ARMH3: variants seen among roughly 807,000 people sequenced by gnomAD.
ARMH3 encodes the protein armadillo like helical domain containing 3.
ARMH3 carries 60 observed loss-of-function variants against 99.1 expected under a neutral mutation model. The observed-to-expected ratio is 0.61, with a 90% CI of 0.49 to 0.75. The LOEUF (loss-of-function observed/expected upper bound fraction) is 0.75, where lower values mean the gene tolerates loss of function less well. Among genes scored for constraint, ARMH3 ranks in the 30% least tolerant of loss-of-function variants. ARMH3 has a pLI of 0.00. For missense variants in ARMH3, 679 were observed against 843.1 expected (o/e 0.81, Z 2.41); for synonymous variants, 285 against 292.8 (o/e 0.97, Z 0.27).
chr10:101,889,262 T>G, intron 24 of ARMH3, 150 bp downstream of exon 24: 1 of 778,616 alleles, frequency 1.3e-6, no homozygotes, highest in Non-Finnish European at 2.3e-6. Flanking sequence ...TTAAAAGTAC[T>G]ATCAACCAAC....
chr10:101,847,386 T>G lies in ARMH3; in HGVS notation c.*142A>C. 2.5e-6 allele frequency: 2 copies of G among 790,482 alleles called. No individual in the cohort carries two copies. Among genetic ancestry groups the G allele is most frequent in the South Asian group, 3.2e-5 (2 of 61,866 alleles). 49.0% of individuals were successfully genotyped at this position (790,482 alleles called of 1,614,324 possible). On this transcript the variant is annotated 3_prime_UTR_variant, in exon 26 of 26. Coordinates refer to ENST00000370033, the MANE Select transcript of ARMH3 (RefSeq NM_024541.3). ...TCCTGCCCCTGCTGCCCAAGCTCCATTGAAGTGCGGTCTTCACCAAGAGAA... is the reference window on the plus strand; with the variant it reads ...TCCTGCCCCTGCTGCCCAAGCTCCAGTGAAGTGCGGTCTTCACCAAGAGAA...
chr10:102,014,697 C>G (rs1416219116), intron 8 of ARMH3, among the ~76,000 whole-genome samples: 2 of 152,122 alleles, frequency 1.3e-5, no homozygotes, highest in African/African-American at 4.8e-5. Flanking sequence ...TAATGATTGT[C>G]CCATCACTTA....
chr10:101,905,440 C>CA lies in ARMH3; in HGVS notation c.1782-15951dup, dbSNP rs1183428601. Among the ~76,000 whole-genome samples the CA allele has an allele frequency of 3.3e-5, 5 of 152,250 alleles. No homozygotes were observed. The South Asian group carries it at 8.3e-4, about 25-fold the overall frequency. ...ATAAATGCTACAAGAGAGAAATGTA[C>CA]AAAACCCTTTGGCAATGCAGGTGTG... is the stretch of plus-strand genomic sequence containing the variant. On this transcript the variant is annotated intron_variant, in intron 23 of 25. Coordinates refer to ENST00000370033, the MANE Select transcript of ARMH3 (RefSeq NM_024541.3).
At position 102,027,148 on chromosome 10, in the gene ARMH3, G is replaced by C. The variant is rs75278826; in HGVS notation, c.415-1900C>G. 1.8e-4 allele frequency among the ~76,000 whole-genome samples: 28 copies of C among 152,034 alleles called. No individual in the cohort carries two copies. The East Asian group carries it at 2.7e-3, about 15-fold the overall frequency. On this transcript the variant is annotated intron_variant, in intron 5 of 25. Coordinates refer to ENST00000370033, the MANE Select transcript of ARMH3 (RefSeq NM_024541.3). ...ACAAAAATTAGCTGAGTGTGGTGGC[G>C]CATGCCTGTAATCCCAGCTACTCAG...
intron 6 of ARMH3, among the ~76,000 whole-genome samples, chr10:102,024,519 C>T (rs1479783665): frequency 2.6e-5 from 4 of 151,968 alleles, no homozygotes; most frequent in Non-Finnish European, 5.9e-5. Context: ...GTGGCTCACA[C>T]CTGTAATCCC....
chr10:102,010,058 A>T, intron 11 of ARMH3, 35 bp from the exon 12 acceptor site: 1 of 1,601,282 alleles, frequency 6.2e-7, no homozygotes, highest in Non-Finnish European at 8.6e-7. Context: ...AACTTATAGC[A>T]GGAGGATATG....
intron 23 of ARMH3, among the ~76,000 whole-genome samples, chr10:101,892,760 T>C (rs1320804676): frequency 1.3e-5 from 2 of 152,168 alleles, no homozygotes; most frequent in Non-Finnish European, 2.9e-5. Flanking sequence ...ACATTTATAG[T>C]ACATATAATA....
chr10:102,016,853 C>T (rs1430191637), intron 8 of ARMH3, among the ~76,000 whole-genome samples: 1 of 152,192 alleles, frequency 6.6e-6, no homozygotes, highest in Middle Eastern at 3.2e-3. Flanking sequence ...GTACACTTAA[C>T]GTTTTCCATT....
chr10:102,003,402 T>C (rs1040981410), intron 14 of ARMH3, among the ~76,000 whole-genome samples: 2 of 152,132 alleles, frequency 1.3e-5, no homozygotes, highest in East Asian at 1.9e-4. Context: ...CCTCAAGCAA[T>C]CCACCCACCT....
chr10:102,051,175 G>T (rs906134731), intron 1 of ARMH3, among the ~76,000 whole-genome samples: 2 of 142,216 alleles, frequency 1.4e-5, no homozygotes, highest in Non-Finnish European at 1.5e-5. Context: ...AAAAAAAAAA[G>T]AAAGAAAGAA....
intron 23 of ARMH3, among the ~76,000 whole-genome samples, chr10:101,937,502 G>C (rs896780443): frequency 4.7e-5 from 7 of 148,878 alleles, no homozygotes; most frequent in South Asian, 2.1e-4. Context: ...CTGGGCGACA[G>C]AGTCAGACCC....
chr10:101,938,870 A>T (rs1347535940), intron 23 of ARMH3, among the ~76,000 whole-genome samples: 1 of 152,104 alleles, frequency 6.6e-6, no homozygotes, highest in Non-Finnish European at 1.5e-5. Context: ...AGCACATCTC[A>T]CCCCATGCTC....
At chr10:101,953,452 G>A (rs1844889280) in intron 22 of ARMH3, among the ~76,000 whole-genome samples, 1 of 151,674 alleles carries the variant, frequency 6.6e-6, no homozygotes, top group Admixed American at 6.6e-5. Context: ...GTAGAGACAG[G>A]GTTTCACCAT....
intron 23 of ARMH3, among the ~76,000 whole-genome samples, chr10:101,909,435 C>G (rs1396823860): frequency 6.8e-6 from 1 of 147,444 alleles, no homozygotes; most frequent in Non-Finnish European, 1.5e-5. Flanking sequence ...AAAAAAGAGA[C>G]CAGAGGAAGG....
intron 1 of ARMH3, among the ~76,000 whole-genome samples, chr10:102,046,266 AAAAGAGAG>A (rs2067546810): frequency 6.6e-6 from 1 of 151,852 alleles, no homozygotes; most frequent in Non-Finnish European, 1.5e-5. Flanking sequence ...GAAAGAGAGA[AAAAGAGAG>A]AAAGAGAGGG....
At chr10:102,026,992 G>T (rs1339907883) in intron 5 of ARMH3, among the ~76,000 whole-genome samples, 1 of 152,150 alleles carries the variant, frequency 6.6e-6, no homozygotes, top group Non-Finnish European at 1.5e-5. Flanking sequence ...TCAAAAGAAT[G>T]AATGGGCTGG....
At position 102,010,416 on chromosome 10, in the gene ARMH3, C is replaced by T. The variant is rs1262645363; in HGVS notation, c.832-393G>A. ...TTGCTTATTTGAAGTCAGAAACTAACTTAGGAAAAACTTCACAGGAAGCAG... is the reference window on the plus strand; with the variant it reads ...TTGCTTATTTGAAGTCAGAAACTAATTTAGGAAAAACTTCACAGGAAGCAG... On this transcript the variant is annotated intron_variant, in intron 11 of 25. Coordinates refer to ENST00000370033, the MANE Select transcript of ARMH3 (RefSeq NM_024541.3). Among the ~76,000 whole-genome samples the T allele has an allele frequency of 2.0e-5, 3 of 152,214 alleles. No homozygotes were observed. The East Asian group carries it at 5.8e-4, about 29-fold the overall frequency.
chr10:101,906,902 C>T (rs1842655170), intron 23 of ARMH3, among the ~76,000 whole-genome samples: 1 of 152,158 alleles, frequency 6.6e-6, no homozygotes, highest in Non-Finnish European at 1.5e-5. Context: ...CACTTCCTAC[C>T]AGTTAACACC....
chr10:101,852,758 A>T (rs2066633821), intron 24 of ARMH3, among the ~76,000 whole-genome samples: 1 of 151,978 alleles, frequency 6.6e-6, no homozygotes, highest in Non-Finnish European at 1.5e-5. Flanking sequence ...TGTCTCAAAA[A>T]AAAAAAAGAA....
Sources: allele counts gnomAD v4.1 joint callset (sites outside exome capture counted in the v4.1 genomes callset), GRCh38; gene constraint gnomAD v4.1.1; transcripts MANE v1.5; gene names NCBI Gene and HGNC (gene_info 2026-07-23, HGNC 2026-07-21).